Variants in RBM47 observed in about 807,000 individuals in gnomAD.
RBM47 encodes RNA-binding protein 47.
A neutral mutation model predicts 47.1 loss-of-function variants in RBM47; 21 were observed. The observed-to-expected ratio is 0.45, with a 90% CI of 0.32 to 0.64. The LOEUF is 0.64. Ranked by LOEUF, RBM47 falls within the 30% of genes least tolerant of loss-of-function variation. The pLI, the probability that RBM47 is intolerant of heterozygous loss-of-function variation, is 0.05. For missense variants in RBM47, 708 were observed against 870.9 expected (o/e 0.81, Z 2.35); for synonymous variants, 375 against 361.7 (o/e 1.04, Z -0.42).
chr4:40,553,115 G>A (rs528105620), intron 1 of RBM47, among the ~76,000 whole-genome samples: 8 of 136,354 alleles, frequency 5.9e-5, no homozygotes, highest in Non-Finnish European at 9.4e-5. Flanking sequence ...CTACAGGCAC[G>A]CGCCACCACG....
At chr4:40,619,714 T>C (rs950876643) in intron 1 of RBM47, among the ~76,000 whole-genome samples, 2 of 152,182 alleles carry the variant, frequency 1.3e-5, no homozygotes, top group Non-Finnish European at 2.9e-5. Flanking sequence ...TGGAGGAGCC[T>C]TCTCTGATGA....
At chr4:40,576,294 C>T (rs1732326137) in intron 1 of RBM47, among the ~76,000 whole-genome samples, 1 of 143,932 alleles carries the variant, frequency 6.9e-6, no homozygotes, top group East Asian at 2.0e-4. Flanking sequence ...CTGTCACCCA[C>T]AATCATATTT....
At chr4:40,430,425 T>C (rs1715803090) in intron 6 of RBM47, among the ~76,000 whole-genome samples, 1 of 152,210 alleles carries the variant, frequency 6.6e-6, no homozygotes, top group Non-Finnish European at 1.5e-5. Context: ...AGAATTCCAC[T>C]AAGTACTGCT....
At chr4:40,505,888 A>G (rs1281998140) in intron 2 of RBM47, among the ~76,000 whole-genome samples, 1 of 69,164 alleles carries the variant, frequency 1.4e-5, no homozygotes, top group Non-Finnish European at 2.7e-5. Flanking sequence ...GTCTGTCTCA[A>G]AAAAAACAAA....
chr4:40,625,998 T>C (rs560868060), intron 1 of RBM47, among the ~76,000 whole-genome samples: 1 of 152,332 alleles, frequency 6.6e-6, no homozygotes, highest in Admixed American at 6.5e-5. Context: ...GACTCCACTC[T>C]AAAAGCTTTG....
intron 1 of RBM47, among the ~76,000 whole-genome samples, chr4:40,580,568 C>T (rs1008582656): frequency 5.3e-5 from 8 of 152,174 alleles, no homozygotes; most frequent in Non-Finnish European, 1.2e-4. Context: ...TACCATCATT[C>T]CCCAACCCAC....
At chr4:40,434,002 G>GGGGGGGGGT (rs1213913858) in intron 5 of RBM47, among the ~76,000 whole-genome samples, 1 of 45,630 alleles carries the variant, frequency 2.2e-5, no homozygotes, top group Non-Finnish European at 6.7e-5. Flanking sequence ...GTGGGGCGGG[G>GGGGGGGGGT]GTGTGTGTGT....
chr4:40,556,991 T>G (rs1414247524), intron 1 of RBM47, among the ~76,000 whole-genome samples: 2 of 150,756 alleles, frequency 1.3e-5, no homozygotes, highest in African/African-American at 2.4e-5. Context: ...TTGGGGGGAG[T>G]TGTGCACATA....
chr4:40,585,117 C>T (rs150676574), intron 1 of RBM47, among the ~76,000 whole-genome samples: 32 of 152,270 alleles, frequency 2.1e-4, no homozygotes, highest in Middle Eastern at 6.8e-3. Context: ...ATACCTAGTC[C>T]ATGTGACTGG....
chr4:40,516,234 G>A (rs1725556330), intron 2 of RBM47, among the ~76,000 whole-genome samples: 2 of 151,478 alleles, frequency 1.3e-5, no homozygotes, highest in African/African-American at 4.8e-5. Context: ...GTTGGGGGAG[G>A]GCGATGATTC....
At chr4:40,586,340 A>G (rs1247143404) in intron 1 of RBM47, among the ~76,000 whole-genome samples, 1 of 152,152 alleles carries the variant, frequency 6.6e-6, no homozygotes, top group African/African-American at 2.4e-5. Flanking sequence ...AGGTTCCTCA[A>G]ACCAGAGAAA....
chr4:40,528,961 T>C lies in RBM47; in HGVS notation c.-155+15461A>G, dbSNP rs555478066. Among the ~76,000 whole-genome samples, 29 of 146,320 alleles carry C rather than the reference T, an allele frequency of 2.0e-4. 1 individual carries two copies. The South Asian group carries it at 6.0e-3, about 30-fold the overall frequency. Reference sequence around the variant, plus strand: ...CCGTCTCAAAAAAAAAATAAATAAATAAATAAATAAATAAATAAATAAATA... The same window carrying C: ...CCGTCTCAAAAAAAAAATAAATAAACAAATAAATAAATAAATAAATAAATA... On this transcript the variant is annotated intron_variant, in intron 2 of 6. Transcript: ENST00000295971.
At chr4:40,534,794 G>C (rs1727763167) in intron 2 of RBM47, among the ~76,000 whole-genome samples, 1 of 152,110 alleles carries the variant, frequency 6.6e-6, no homozygotes, top group South Asian at 2.1e-4. Flanking sequence ...AATTAGCCAG[G>C]CATGGTGGCG....
At chr4:40,559,390 A>G (rs539333359) in intron 1 of RBM47, among the ~76,000 whole-genome samples, 1 of 152,370 alleles carries the variant, frequency 6.6e-6, no homozygotes, top group African/African-American at 2.4e-5. Flanking sequence ...TAACGAATCA[A>G]GTGACATGGG....
chr4:40,524,956 G>A (rs1183291432), intron 2 of RBM47, among the ~76,000 whole-genome samples: 2 of 152,164 alleles, frequency 1.3e-5, no homozygotes, highest in Non-Finnish European at 2.9e-5. Context: ...CCAGGCCACT[G>A]GATATATTTA....
At chr4:40,463,089 C>A (rs56067245) in intron 3 of RBM47, among the ~76,000 whole-genome samples, 23,815 of 152,056 alleles carry the variant, frequency 0.16, 1,992 homozygotes, top group Admixed American at 0.18. Flanking sequence ...AGAACTACAA[C>A]TCAATAACAA....
At chr4:40,434,005 GTGTGTGTGTGTGTGT>G (rs1711853549) in intron 5 of RBM47, among the ~76,000 whole-genome samples, 1 of 66,004 alleles carries the variant, frequency 1.5e-5, no homozygotes, top group Non-Finnish European at 2.9e-5. Flanking sequence ...GGGCGGGGGT[GTGTGTGTGTGTGTGT>G]GTGTGTGTGT....
chr4:40,575,404 T>C lies in RBM47; in HGVS notation c.-239-30898A>G, dbSNP rs569977289. Among the ~76,000 whole-genome samples, 40 of 151,856 alleles carry C rather than the reference T, an allele frequency of 2.6e-4. 1 individual carries two copies. The highest frequency in any genetic ancestry group is 4.9e-4 in the Non-Finnish European group (33 of 67,936). On this transcript the variant is annotated intron_variant, in intron 1 of 6. Coordinates refer to ENST00000295971, the MANE Select transcript of RBM47 (RefSeq NM_001098634.2). ...CGGTCTCTACTTAAAAATACAAAAT[T>C]AGCCAGGAGTGGTGGCGGGCCCCTT...
intron 1 of RBM47, among the ~76,000 whole-genome samples, chr4:40,579,116 C>T (rs4861248): frequency 0.6 from 86,940 of 144,756 alleles, 26,252 homozygotes; most frequent in East Asian, 0.73. Flanking sequence ...GAGACTCTAT[C>T]TTAAATTAAA....
Sources: allele counts gnomAD v4.1 joint callset (sites outside exome capture counted in the v4.1 genomes callset), GRCh38; gene constraint gnomAD v4.1.1; transcripts MANE v1.5; gene names NCBI Gene and HGNC (gene_info 2026-07-23, HGNC 2026-07-21).